LY96: variants seen among roughly 807,000 people sequenced by gnomAD.
LY96 encodes the protein lymphocyte antigen 96, also known as myeloid differentiation protein-2.
Under a neutral mutation model 18.9 loss-of-function variants are expected in LY96, and 18 were observed. The observed-to-expected ratio is 0.95, with a 90% CI of 0.66 to 1.41. The LOEUF is 1.41. LY96 is among the 40% of genes most tolerant of loss of function. The pLI is 0.00. For missense variants in LY96, 175 were observed against 182.4 expected, an observed-to-expected ratio of 0.96 and a Z score of 0.23; for synonymous variants, 66 against 62.6, an observed-to-expected ratio of 1.06 and a Z score of -0.26.
At chr8:74,015,957 A>C (rs1011088793) in intron 3 of LY96, among the ~76,000 whole-genome samples, 1 of 152,224 alleles carries the variant, frequency 6.6e-6, no homozygotes, top group Non-Finnish European at 1.5e-5. Flanking sequence ...CACAGAAGAC[A>C]GGTGTTTTCT....
At chr8:74,059,455 T>A in the LY96 span, among the ~76,000 whole-genome samples, 10 of 152,288 alleles carry the variant, frequency 6.6e-5, no homozygotes, top group African/African-American at 2.2e-4. Flanking sequence ...AAGACATTTT[T>A]AAAAAGTTGT....
chr8:74,064,698 A>G, the LY96 span, among the ~76,000 whole-genome samples: 1 of 152,084 alleles, frequency 6.6e-6, no homozygotes, highest in Admixed American at 6.6e-5. Flanking sequence ...AGCCCAATAA[A>G]CCTCTTTTCT....
the LY96 span, among the ~76,000 whole-genome samples, chr8:74,066,166 C>T: frequency 5.3e-5 from 8 of 152,000 alleles, no homozygotes; most frequent in Admixed American, 1.3e-4. Flanking sequence ...GGTGAGGACT[C>T]ACTCTCGGTT....
intron 4 of LY96, 40 bp downstream of exon 4, chr8:74,026,881 C>A: frequency 1.0e-6 from 1 of 973,258 alleles, no homozygotes; most frequent in Non-Finnish European, 1.7e-6. Context: ...TAACCTTTAG[C>A]AGTAATAGAC....
At chr8:74,044,000 G>A in the LY96 span, among the ~76,000 whole-genome samples, 1 of 152,046 alleles carries the variant, frequency 6.6e-6, no homozygotes, top group African/African-American at 2.4e-5. Context: ...AAATTCATGG[G>A]CTAAAGGGAA....
At position 74,029,043 on chromosome 8, in the gene LY96, A is replaced by G. The variant is rs1284178784; in HGVS notation, c.472A>G (p.Asn158Asp). Residue 158 changes from asparagine to aspartate, a missense_variant, in exon 5 of 5, where the codon AAT becomes GAT. Transcript: ENST00000284818. ...GGAGTTTGTCATCCTACACCAACCT[A>G]ATTCAAATTAGAATAAATTGAGTAT... ...CLEFVILHQP[N>D]SN 8 of 1,599,592 alleles carry G rather than the reference A, an allele frequency of 5.0e-6. No homozygotes were observed. Among genetic ancestry groups the G allele is most frequent in the Non-Finnish European group, 6.8e-6 (8 of 1,168,082 alleles).
rs578078359 is a variant in LY96, at chr8:74,011,906, T to C, written c.331+1777T>C. ...GGAAAAGGACATGAATAGACACTTA[T>C]AGATACTTTTCAAAAGAACAGATAG... On this transcript the variant is annotated intron_variant, in intron 3 of 4. Transcript: ENST00000284818. Among the ~76,000 whole-genome samples, 3 of 149,220 alleles carry C rather than the reference T, an allele frequency of 2.0e-5. No individual in the cohort carries two copies. The East Asian group carries it at 5.8e-4, about 29-fold the overall frequency.
Position 74,019,246 on chromosome 8 carries a change from C to T in LY96, c.332-7543C>T, listed in dbSNP as rs1012135169. Reference sequence around the variant, plus strand: ...AAAATGATAAAGGGGATATCACCACCGTTCCCACAGAAATACAAACTACTA... The same window carrying T: ...AAAATGATAAAGGGGATATCACCACTGTTCCCACAGAAATACAAACTACTA... On this transcript the variant is annotated intron_variant, in intron 3 of 4. Coordinates refer to ENST00000284818, the MANE Select transcript of LY96 (RefSeq NM_015364.5). 7.2e-5 allele frequency among the ~76,000 whole-genome samples: 11 copies of T among 152,168 alleles called. 1 individual carries two copies. In the Middle Eastern group the frequency reaches 0.017, roughly 235 times the overall value.
the LY96 span, among the ~76,000 whole-genome samples, chr8:74,084,636 T>C: frequency 2.0e-5 from 3 of 152,074 alleles, no homozygotes; most frequent in East Asian, 5.8e-4. Flanking sequence ...TTTTTTGAGA[T>C]AGAGTCTCGC....
At chr8:74,029,204 C>T (rs545323189), downstream of LY96, 22 of 587,306 alleles carry the variant, frequency 3.7e-5, 1 homozygote, top group African/African-American at 1.5e-4. Flanking sequence ...CTCTAGGAAA[C>T]GGAGGCATGG....
the LY96 span, among the ~76,000 whole-genome samples, chr8:74,098,120 A>G: frequency 6.6e-6 from 1 of 152,206 alleles, no homozygotes; most frequent in African/African-American, 2.4e-5. Flanking sequence ...GCTTCAGCTT[A>G]CTTGTCTGTG....
At chr8:74,093,956 T>C in the LY96 span, among the ~76,000 whole-genome samples, 1 of 152,196 alleles carries the variant, frequency 6.6e-6, no homozygotes, top group African/African-American at 2.4e-5. Context: ...AAGAGGCAAA[T>C]CTCTTTCATA....
At chr8:74,064,655 T>C in the LY96 span, among the ~76,000 whole-genome samples, 3 of 152,170 alleles carry the variant, frequency 2.0e-5, no homozygotes, top group East Asian at 1.9e-4. Context: ...CAGATGGTGG[T>C]GCCAGGCTTC....
At chr8:74,093,563 G>T in the LY96 span, among the ~76,000 whole-genome samples, 1 of 152,216 alleles carries the variant, frequency 6.6e-6, no homozygotes, top group African/African-American at 2.4e-5. Flanking sequence ...GAGTTCTTCA[G>T]TTTCCAGGAT....
the LY96 span, among the ~76,000 whole-genome samples, chr8:74,048,990 G>A: frequency 5.3e-5 from 8 of 152,326 alleles, no homozygotes; most frequent in South Asian, 6.2e-4. Flanking sequence ...TGCCTTGTGC[G>A]TAGCTGTGTA....
the LY96 span, among the ~76,000 whole-genome samples, chr8:74,057,418 A>G: frequency 6.6e-6 from 1 of 152,226 alleles, no homozygotes; most frequent in Non-Finnish European, 1.5e-5. Flanking sequence ...GTTCTTATAA[A>G]TGTTACCTTA....
chr8:74,005,668 G>C (rs978884532), intron 2 of LY96, among the ~76,000 whole-genome samples: 1 of 152,150 alleles, frequency 6.6e-6, no homozygotes, highest in Non-Finnish European at 1.5e-5. Context: ...GTTGTGTCTT[G>C]GTTTTCCTCT....
chr8:74,020,870 T>C (rs1340231766), intron 3 of LY96, among the ~76,000 whole-genome samples: 4 of 152,206 alleles, frequency 2.6e-5, no homozygotes. Flanking sequence ...TAGCCATATG[T>C]AGAAAGCTGA....
At chr8:74,059,813 A>G in the LY96 span, among the ~76,000 whole-genome samples, 9 of 152,342 alleles carry the variant, frequency 5.9e-5, 1 homozygote, top group African/African-American at 2.2e-4. Context: ...AGTATGAAAT[A>G]AAAAAAGAGA....
Sources: gnomAD v4.1 joint callset for allele counts (sites outside exome capture counted in the v4.1 genomes callset) on GRCh38, gnomAD v4.1.1 for gene constraint, MANE v1.5 for transcripts, NCBI Gene and HGNC (gene_info 2026-07-23, HGNC 2026-07-21) for gene names.